The following VPS9D1 variants were observed in gnomAD, a reference collection of about 807,000 sequenced individuals.
VPS9D1 encodes VPS9 domain-containing protein 1.
Under a neutral mutation model 75.8 loss-of-function variants are expected in VPS9D1, and 78 were observed. That is an observed-to-expected ratio of 1.03 (90% CI 0.86 to 1.24). The LOEUF (loss-of-function observed/expected upper bound fraction) is 1.24, where lower values mean the gene tolerates loss of function less well. Ranked by LOEUF, VPS9D1 falls within the 50% of genes most tolerant of loss-of-function variation. The pLI, the probability that VPS9D1 is intolerant of heterozygous loss-of-function variation, is 0.00. For synonymous variants in VPS9D1, 481 were observed against 385.6 expected, an observed-to-expected ratio of 1.25 and a Z score of -2.90; for missense variants, 1,057 against 847.7, an observed-to-expected ratio of 1.25 and a Z score of -3.07.
intron 1 of VPS9D1, among the ~76,000 whole-genome samples, chr16:89,720,007 A>C (rs564026700): frequency 6.6e-6 from 1 of 152,312 alleles, no homozygotes; most frequent in Admixed American, 6.5e-5. Context: ...CGTGAACCAC[A>C]GCGCCCAGCA....
At chr16:89,708,732 C>T (rs1290281953) in intron 13 of VPS9D1, 125 bp downstream of exon 13, 1 of 1,186,070 alleles carries the variant, frequency 8.4e-7, no homozygotes, top group Non-Finnish European at 1.2e-6. Context: ...GCCCACACGG[C>T]CCTCCTGCTT....
chr16:89,710,527 G>A (rs2060890730), intron 10 of VPS9D1, 59 bp downstream of exon 10: 6 of 1,515,006 alleles, frequency 4.0e-6, no homozygotes, highest in South Asian at 2.6e-5. Flanking sequence ...AGCTTGAAAC[G>A]GACCAATAAG....
intron 4 of VPS9D1, chr16:89,713,205 AAAAG>A (rs2060979084): frequency 1.3e-5 from 2 of 152,168 alleles, no homozygotes; most frequent in African/African-American, 4.8e-5. Flanking sequence ...AAAAATAACA[AAAAG>A]AAAGAAAACA....
Position 89,712,139 on chromosome 16 carries a change from G to C in VPS9D1, c.607-40C>G, listed in dbSNP as rs543333707. ...AAGGGGCCGAGCGTGGGATCTGAGCGGGCCCTCGGTTCCCAACCCCGTCCC... is the reference window on the plus strand; with the variant it reads ...AAGGGGCCGAGCGTGGGATCTGAGCCGGCCCTCGGTTCCCAACCCCGTCCC... On this transcript the variant is annotated intron_variant, in intron 6 of 14. Coordinates refer to ENST00000389386, the MANE Select transcript of VPS9D1 (RefSeq NM_004913.3). 3 of 1,547,772 alleles carry C rather than the reference G, an allele frequency of 1.9e-6. 1 individual carries two copies. The South Asian group carries it at 3.6e-5, about 18-fold the overall frequency.
At position 89,707,611 on chromosome 16, in the gene VPS9D1, C is replaced by G. The variant is rs1320617031; in HGVS notation, c.*250G>C. The G allele has an allele frequency of 2.1e-6, 1 of 483,512 alleles. No homozygotes were observed. The highest frequency in any genetic ancestry group is 2.0e-5 in the African/African-American group (1 of 51,256). The allele number at this position is 483,512 out of a possible 1,614,324, so 30.0% of individuals were successfully genotyped here. A position where few individuals can be genotyped will look rare whatever the true frequency, so the allele number is the denominator to read the frequency against. On this transcript the variant is annotated 3_prime_UTR_variant, in exon 15 of 15. Coordinates refer to ENST00000389386, the MANE Select transcript of VPS9D1 (RefSeq NM_004913.3). Reference sequence around the variant, plus strand: ...TGAGGCCTACACAGGAGAGCAGGGCCTGGTTCCTCCTGGAGCTGATTCAGC... The same window carrying G: ...TGAGGCCTACACAGGAGAGCAGGGCGTGGTTCCTCCTGGAGCTGATTCAGC...
rs565345814 is a variant in VPS9D1 at position 89,708,327 on chromosome 16, G to A, written c.1802+100C>T. ...AGGCATGGCTGTGACGGAGCCACAC[G>A]CTACCCTCCCCAGCTGCTACTGACA... is the stretch of plus-strand genomic sequence containing the variant. On this transcript the variant is annotated intron_variant, in intron 14 of 14. Coordinates refer to ENST00000389386, the MANE Select transcript of VPS9D1 (RefSeq NM_004913.3). 118 of 1,194,220 alleles carry A rather than the reference G, an allele frequency of 9.9e-5. 1 individual carries two copies. The South Asian group carries it at 1.5e-3, about 15-fold the overall frequency. 74.0% of individuals were successfully genotyped at this position (1,194,220 alleles called of 1,614,324 possible).
chr16:89,717,589 C>T (rs1567552504), intron 2 of VPS9D1: 4 of 456,554 alleles, frequency 8.8e-6, no homozygotes, highest in South Asian at 6.2e-5. Context: ...CAGAAAACTT[C>T]TCATAGACTC....
Position 89,709,307 on chromosome 16 carries a change from C to A in VPS9D1, c.1517G>T (p.Gly506Val). ...PQNPEAKGAT[G>V]YPYCAAAQEL... Reference sequence around the variant, plus strand: ...CTGGGCCGCCGCGCAGTAGGGGTAGCCAGTGGCCCCCTTGGCCTCAGGGTT... The same window carrying A: ...CTGGGCCGCCGCGCAGTAGGGGTAGACAGTGGCCCCCTTGGCCTCAGGGTT... The change falls in exon 12 of 15, where the codon GGC (glycine) becomes GTC (valine). Residue 506 changes from glycine (G) to valine (V), a missense_variant. Physicochemically the swap from Gly to Val is moderately radical, Grantham distance 109. Coordinates refer to ENST00000389386, the MANE Select transcript of VPS9D1 (RefSeq NM_004913.3). 9.3e-6 allele frequency: 15 copies of A among 1,606,526 alleles called. No individual in the cohort carries two copies. The highest frequency in any genetic ancestry group is 1.2e-5 in the Non-Finnish European group (14 of 1,178,124).
Position 89,710,860 on chromosome 16 carries a change from C to T in VPS9D1, c.984G>A (p.Ser328=), listed in dbSNP as rs563185226. The T allele has an allele frequency of 8.0e-6, 12 of 1,506,846 alleles. No homozygotes were observed. Among genetic ancestry groups the T allele is most frequent in the Non-Finnish European group, 1.1e-5 (12 of 1,126,550 alleles). The allele number at this position is 1,506,846 out of a possible 1,614,324, so 93.3% of individuals were successfully genotyped here. Residue 328 remains serine (S), a synonymous_variant, in exon 10 of 15, where the codon TCG becomes TCA. Transcript: ENST00000389386. ...GGGACAGCATGCAATGGAGGCTCTGCGAGGGCCGCAGCCGTCGGCTTCCGG... is the reference window on the plus strand; with the variant it reads ...GGGACAGCATGCAATGGAGGCTCTGTGAGGGCCGCAGCCGTCGGCTTCCGG... ...PNPGSRRLRP[S]QSLHCMLSPP... is the part of the protein sequence containing the mutation.
chr16:89,719,446 C>T (rs908859925), intron 1 of VPS9D1: 7 of 450,252 alleles, frequency 1.6e-5, no homozygotes, highest in Admixed American at 1.5e-4. Context: ...GTGACCTCAG[C>T]AGTTTGCTGT....
intron 4 of VPS9D1, among the ~76,000 whole-genome samples, chr16:89,713,389 G>A (rs2060985523): frequency 6.6e-6 from 1 of 151,614 alleles, no homozygotes; most frequent in Non-Finnish European, 1.5e-5. Context: ...TGAGTAGCTG[G>A]GACTACAGGT....
At chr16:89,711,637 A>T (rs957950895) in intron 8 of VPS9D1, 5 of 496,758 alleles carry the variant, frequency 1.0e-5, no homozygotes, top group Admixed American at 9.3e-5. Flanking sequence ...CCCTCCTCGC[A>T]GGGACCCTCC....
Position 89,709,321 on chromosome 16 carries a change from G to A in VPS9D1, c.1503C>T (p.Ala501=), listed in dbSNP as rs1263727943. Residue 501 remains alanine (A), a synonymous_variant, in exon 12 of 15, where the codon GCC becomes GCT. Transcript: ENST00000389386. Reference sequence around the variant, plus strand: ...AGTAGGGGTAGCCAGTGGCCCCCTTGGCCTCAGGGTTCTGGGGGAGGAGCT... The same window carrying A: ...AGTAGGGGTAGCCAGTGGCCCCCTTAGCCTCAGGGTTCTGGGGGAGGAGCT... ...PTKLLPQNPE[A]KGATGYPYCA... 1 of 1,604,072 alleles carries A rather than the reference G, an allele frequency of 6.2e-7. No individual in the cohort carries two copies. The highest frequency in any genetic ancestry group is 8.5e-7 in the Non-Finnish European group (1 of 1,177,086).
intron 12 of VPS9D1, 124 bp from the exon 13 acceptor site, chr16:89,709,080 C>T (rs974862000): frequency 2.2e-6 from 3 of 1,381,832 alleles, no homozygotes; most frequent in Admixed American, 2.1e-5. Context: ...GTGACCCTGG[C>T]GATGTTGCTC....
intron 11 of VPS9D1, 35 bp from the exon 12 acceptor site, chr16:89,709,470 G>T (rs749769793): frequency 6.0e-6 from 9 of 1,492,086 alleles, no homozygotes; most frequent in Non-Finnish European, 5.3e-6. Context: ...AGCTGCCCCA[G>T]GGACCTTGCC....
At chr16:89,709,991 C>T (rs990719844) in intron 10 of VPS9D1, 85 bp from the exon 11 acceptor site, 19 of 1,507,342 alleles carry the variant, frequency 1.3e-5, no homozygotes, top group Middle Eastern at 4.4e-4. Context: ...CTTTCTCCGC[C>T]CAAGAAACCT....
Position 89,710,941 on chromosome 16 carries a change from G to A in VPS9D1, c.903C>T (p.Pro301=). ...LQCSVYSALY[P]AVSRAAAPAP... ...CTGGCGCGGCTGCTCTGCTCACGGC[G>A]GGATACAGGGCGCTGTACACGGAGC... Residue 301 remains proline, a synonymous_variant, in exon 10 of 15, where the codon CCC becomes CCT. Coordinates refer to ENST00000389386, the MANE Select transcript of VPS9D1 (RefSeq NM_004913.3). 1 of 1,478,642 alleles carries A rather than the reference G, an allele frequency of 6.8e-7. No homozygotes were observed. The highest frequency in any genetic ancestry group is 8.9e-7 in the Non-Finnish European group (1 of 1,119,976). The allele number at this position is 1,478,642 out of a possible 1,614,324, so 91.6% of individuals were successfully genotyped here.
In VPS9D1 at chr16:89,712,110, A is replaced by T; in HGVS notation, c.607-11T>A. 6.5e-7 allele frequency: 1 copy of T among 1,548,136 alleles called. No homozygotes were observed. The highest frequency in any genetic ancestry group is 1.2e-5 in the South Asian group (1 of 83,966). On this transcript the variant is annotated splice_polypyrimidine_tract_variant and intron_variant, in intron 6 of 14. Transcript: ENST00000389386. ...CATCTTTCTCTGGAGCTGGGTGCAG[A>T]GTCAAGGGGCCGAGCGTGGGATCTG... is the stretch of plus-strand genomic sequence containing the variant.
intron 13 of VPS9D1, 100 bp downstream of exon 13, chr16:89,708,757 G>T: frequency 7.8e-7 from 1 of 1,290,048 alleles, no homozygotes; most frequent in Non-Finnish European, 1.1e-6. Flanking sequence ...AGTGCAGCCA[G>T]CTGGCACAAG....
Sources: gnomAD v4.1 joint callset for allele counts (sites outside exome capture counted in the v4.1 genomes callset) on GRCh38, gnomAD v4.1.1 for gene constraint, MANE v1.5 for transcripts, NCBI Gene and HGNC (gene_info 2026-07-23, HGNC 2026-07-21) for gene names.